Variants in CAVIN1 observed in about 807,000 individuals in gnomAD.
The protein encoded by CAVIN1 is caveolae-associated protein 1.
In CAVIN1, 16 loss-of-function variants were observed where a neutral mutation model predicts 24.0. The observed-to-expected ratio is 0.67, with a 90% CI of 0.45 to 1.01. CAVIN1 has a LOEUF of 1.01. CAVIN1 is among the 50% of genes least tolerant of loss of function. The probability of loss-of-function intolerance (pLI) is 0.00; values close to 1 mark genes in which losing one functional copy is unlikely to be tolerated. For synonymous variants in CAVIN1, 256 were observed against 256.4 expected (o/e 1.00, Z 0.02); for missense variants, 510 against 551.7 (o/e 0.92, Z 0.76).
Position 42,405,024 on chromosome 17 carries a change from G to T in CAVIN1, c.836C>A (p.Thr279Lys), listed in dbSNP as rs772598451. ...TLEKRMNKLG[T>K]RLVPAERREK... is the part of the protein sequence containing the mutation. ...GCGCCGCTCGGCGGGCACCAGGCGC[G>T]TGCCCAGCTTGTTCATGCGCTTCTC... The change falls in exon 2 of 2, where the codon ACG (threonine) becomes AAG (lysine). Residue 279 changes from threonine to lysine, a missense_variant. By Grantham distance (78) the Thr-to-Lys change is moderately conservative. Transcript: ENST00000357037. 3 of 1,614,034 alleles carry T rather than the reference G, an allele frequency of 1.9e-6. No individual in the cohort carries two copies. The highest frequency in any genetic ancestry group is 2.5e-6 in the Non-Finnish European group (3 of 1,180,026).
At chr17:42,412,375 A>C in intron 1 of CAVIN1, 38 of 404,458 alleles carry the variant, frequency 9.4e-5, no homozygotes, top group South Asian at 3.1e-4. Context: ...ATGTATTAGG[A>C]TGGAAATAAA....
chr17:42,405,344 C>T lies in CAVIN1; in HGVS notation c.516G>A (p.Leu172=). Reference sequence around the variant, plus strand: ...TCTCTGGCAGCGCCTCCGACTCTTTCAGCGATTTGCTGATGCTCAGTTTGG... The same window carrying T: ...TCTCTGGCAGCGCCTCCGACTCTTTTAGCGATTTGCTGATGCTCAGTTTGG... The part of the protein sequence containing the change: ...LPAKLSISKS[L]KESEALPEKE... Residue 172 remains leucine, a synonymous_variant, in exon 2 of 2, where the codon CTG becomes CTA. Transcript: ENST00000357037. 6.2e-7 allele frequency: 1 copy of T among 1,609,062 alleles called. No homozygotes were observed. The highest frequency in any genetic ancestry group is 2.2e-5 in the East Asian group (1 of 44,856).
Position 42,423,055 on chromosome 17 carries a change from C to G in CAVIN1, c.43G>C (p.Gly15Arg). The G allele has an allele frequency of 6.2e-7, 1 of 1,607,154 alleles. No individual in the cohort carries two copies. Among genetic ancestry groups the G allele is most frequent in the Non-Finnish European group, 8.5e-7 (1 of 1,177,514 alleles). The change falls in exon 1 of 2, where the codon GGG becomes CGG. Residue 15 changes from glycine (G) to arginine (R), a missense_variant. Gly to Arg is a moderately radical substitution (Grantham distance 125). Transcript: ENST00000357037. ...TCCGGGGCCTCGGCGTCGGGGTACC[C>G]GGGAAGCGGCCGCTCGACAATATAG... is the stretch of plus-strand genomic sequence containing the variant. ...TLYIVERPLP[G>R]YPDAEAPEPS...
chr17:42,420,747 T>G (rs2085540014), intron 1 of CAVIN1, among the ~76,000 whole-genome samples: 1 of 152,134 alleles, frequency 6.6e-6, no homozygotes, highest in Admixed American at 6.5e-5. Flanking sequence ...CCCTCTTCTC[T>G]CAGAATCTCC....
chr17:42,405,518 C>T, intron 1 of CAVIN1, 130 bp from the exon 2 acceptor site: 1 of 934,908 alleles, frequency 1.1e-6, no homozygotes, highest in Non-Finnish European at 1.7e-6. Flanking sequence ...AACTGGCGGG[C>T]GCTCAATAAA....
chr17:42,404,651 G>A lies in CAVIN1; in HGVS notation c.*36C>T, dbSNP rs770348302. The A allele has an allele frequency of 4.1e-5, 55 of 1,327,174 alleles. No homozygotes were observed. The African/African-American group carries it at 8.3e-4, about 20-fold the overall frequency. The allele number at this position is 1,327,174 out of a possible 1,614,324, so 82.2% of individuals were successfully genotyped here. A position where few individuals can be genotyped will look rare whatever the true frequency, so the allele number is the denominator to read the frequency against. On this transcript the variant is annotated 3_prime_UTR_variant, in exon 2 of 2. Transcript: ENST00000357037. The stretch of plus-strand genomic sequence containing the variant: ...AGAATGCGAAAGAGGAAGTTCGGAA[G>A]GAGCGAGGAATGGGGTGGGTGGCAG...
chr17:42,417,601 T>G (rs2085519886), intron 1 of CAVIN1, among the ~76,000 whole-genome samples: 3 of 152,224 alleles, frequency 2.0e-5, no homozygotes, highest in Non-Finnish European at 2.9e-5. Context: ...GCACTACCAG[T>G]TGTATAAAAG....
chr17:42,409,889 C>T lies in CAVIN1; in HGVS notation c.472-4501G>A, dbSNP rs551302020. On this transcript the variant is annotated intron_variant, in intron 1 of 1. Transcript: ENST00000357037. ...TTTTATTAAACAAAACCACCACTCC[C>T]AATAGGCTTGGTTTCCAGAGTTACC... Among the ~76,000 whole-genome samples, 16 of 152,188 alleles carry T rather than the reference C, an allele frequency of 1.1e-4. 1 individual carries two copies. The highest frequency in any genetic ancestry group is 3.9e-4 in the African/African-American group (16 of 41,528).
chr17:42,413,582 AAAAAAAAAAAAAAAAAAG>A (rs1476447933), intron 1 of CAVIN1, among the ~76,000 whole-genome samples: 1 of 75,854 alleles, frequency 1.3e-5, no homozygotes, highest in Non-Finnish European at 3.0e-5. Flanking sequence ...AAAAAAAAAA[AAAAAAAAAAAAAAAAAAG>A]AGGTCCCTGG....
chr17:42,404,652 G>T lies in CAVIN1; in HGVS notation c.*35C>A. 1 of 1,331,064 alleles carries T rather than the reference G, an allele frequency of 7.5e-7. No homozygotes were observed. The allele number at this position is 1,331,064 out of a possible 1,614,324, so 82.5% of individuals were successfully genotyped here. On this transcript the variant is annotated 3_prime_UTR_variant, in exon 2 of 2. Coordinates refer to ENST00000357037, the MANE Select transcript of CAVIN1 (RefSeq NM_012232.6). Reference sequence around the variant, plus strand: ...GAATGCGAAAGAGGAAGTTCGGAAGGAGCGAGGAATGGGGTGGGTGGCAGC... The same window carrying T: ...GAATGCGAAAGAGGAAGTTCGGAAGTAGCGAGGAATGGGGTGGGTGGCAGC...
intron 1 of CAVIN1, among the ~76,000 whole-genome samples, chr17:42,413,368 C>T (rs1271931339): frequency 6.6e-6 from 1 of 151,726 alleles, no homozygotes; most frequent in Admixed American, 6.6e-5. Context: ...GAGTTCAAGA[C>T]CAGCCTCAGC....
rs2085510765 is a variant in CAVIN1 at position 42,416,243 on chromosome 17, C to G, written c.471+6384G>C. ...ATTAGCCAGGTGTGGTGGCACATGCCTGTAATCCCAGCTACTTAGGACGGT... is the reference window on the plus strand; with the variant it reads ...ATTAGCCAGGTGTGGTGGCACATGCGTGTAATCCCAGCTACTTAGGACGGT... On this transcript the variant is annotated intron_variant, in intron 1 of 1. Transcript: ENST00000357037. Among the ~76,000 whole-genome samples the G allele has an allele frequency of 2.0e-5, 3 of 152,082 alleles. No individual in the cohort carries two copies. In the South Asian group the frequency reaches 6.2e-4, roughly 31 times the overall value.
Position 42,423,047 on chromosome 17 carries a change from G to T in CAVIN1, c.51C>A (p.Pro17=). ...YIVERPLPGY[P]DAEAPEPSSA... The stretch of plus-strand genomic sequence containing the variant: ...AGGAAGGCTCCGGGGCCTCGGCGTC[G>T]GGGTACCCGGGAAGCGGCCGCTCGA... The change falls in exon 1 of 2, where the codon CCC becomes CCA. Residue 17 remains proline, a synonymous_variant. Transcript: ENST00000357037. 1 of 1,609,268 alleles carries T rather than the reference G, an allele frequency of 6.2e-7. No homozygotes were observed. Among genetic ancestry groups the T allele is most frequent in the Admixed American group, 1.7e-5 (1 of 59,456 alleles).
intron 1 of CAVIN1, among the ~76,000 whole-genome samples, chr17:42,422,164 G>T (rs1261094735): frequency 6.6e-6 from 1 of 152,152 alleles, no homozygotes; most frequent in Admixed American, 6.5e-5. Context: ...GCCCGCAGGC[G>T]CAGAGGCCCC....
In CAVIN1 at chr17:42,422,741, G is replaced by A. The variant is rs765631971; in HGVS notation, c.357C>T (p.Val119=). 3.7e-6 allele frequency: 6 copies of A among 1,611,492 alleles called. No individual in the cohort carries two copies. Among genetic ancestry groups the A allele is most frequent in the Non-Finnish European group, 5.1e-6 (6 of 1,179,120 alleles). Reference sequence around the variant, plus strand: ...GGCTGCCGCGCACGGTCTTCACGTTGACGCTGACCTTGCGCACCTTCTCCA... The same window carrying A: ...GGCTGCCGCGCACGGTCTTCACGTTAACGCTGACCTTGCGCACCTTCTCCA... The part of the protein sequence containing the change: ...KLLEKVRKVS[V]NVKTVRGSLE... The change falls in exon 1 of 2, where the codon GTC becomes GTT. Residue 119 remains valine (V), a synonymous_variant. Coordinates refer to ENST00000357037, the MANE Select transcript of CAVIN1 (RefSeq NM_012232.6).
chr17:42,420,414 AG>A (rs2085538491), intron 1 of CAVIN1, among the ~76,000 whole-genome samples: 1 of 152,232 alleles, frequency 6.6e-6, no homozygotes, highest in African/African-American at 2.4e-5. Flanking sequence ...TCTGCAGCTC[AG>A]GGAAGTTCTG....
intron 1 of CAVIN1, among the ~76,000 whole-genome samples, chr17:42,410,063 C>T (rs7221385): frequency 0.86 from 131,285 of 152,184 alleles, 57,286 homozygotes; most frequent in East Asian, 0.99. Flanking sequence ...TGTCTAAACT[C>T]GAGATCTGGC....
rs191624267 is a variant in CAVIN1 at position 42,415,996 on chromosome 17, C to A, written c.471+6631G>T. On this transcript the variant is annotated intron_variant, in intron 1 of 1. Transcript: ENST00000357037. Reference sequence around the variant, plus strand: ...GTGGCTCACGCCTGTAACCCCAGCACTTTGGGCGGCCAAGGCAGGAGTATC... The same window carrying A: ...GTGGCTCACGCCTGTAACCCCAGCAATTTGGGCGGCCAAGGCAGGAGTATC... 1.5e-3 allele frequency among the ~76,000 whole-genome samples: 235 copies of A among 152,290 alleles called. 2 individuals are homozygous for A. Among genetic ancestry groups the A allele is most frequent in the Middle Eastern group, 0.01 (3 of 294 alleles).
In CAVIN1 at chr17:42,412,312, A is replaced by T. The variant is rs537194112; in HGVS notation, c.472-6924T>A. On this transcript the variant is annotated intron_variant, in intron 1 of 1. Transcript: ENST00000357037. ...GTGGGTGCAAAAGGAGTTGAGAAAA[A>T]AGGGCCTTGGTGGCATGCAGAGTAG... 1.3e-4 allele frequency: 131 copies of T among 984,860 alleles called. No individual in the cohort carries two copies. The African/African-American group carries it at 2.1e-3, about 16-fold the overall frequency. The allele number at this position is 984,860 out of a possible 1,614,324, so 61.0% of individuals were successfully genotyped here.
Sources: allele counts gnomAD v4.1 joint callset (sites outside exome capture counted in the v4.1 genomes callset), GRCh38; gene constraint gnomAD v4.1.1; transcripts MANE v1.5; gene names NCBI Gene and HGNC (gene_info 2026-07-23, HGNC 2026-07-21).